MPPED2: variants seen among roughly 807,000 people sequenced by gnomAD.
The protein encoded by MPPED2 is metallophosphoesterase domain containing 2, also known as metallophosphoesterase MPPED2.
MPPED2 carries 5 observed loss-of-function variants against 33.0 expected under a neutral mutation model. The observed-to-expected ratio is 0.15, with a 90% CI of 0.08 to 0.32. The LOEUF is 0.32. Among genes scored for constraint, MPPED2 ranks in the 10% least tolerant of loss-of-function variants. The pLI, the probability that MPPED2 is intolerant of heterozygous loss-of-function variation, is 1.00. For missense variants in MPPED2, 275 were observed against 372.1 expected (o/e 0.74, Z 2.15); for synonymous variants, 136 against 141.9 (o/e 0.96, Z 0.29).
chr11:30,562,870 T>C (rs1956293330), intron 2 of MPPED2, among the ~76,000 whole-genome samples: 4 of 152,198 alleles, frequency 2.6e-5, no homozygotes, highest in Admixed American at 2.6e-4. Context: ...TATTAAATAT[T>C]ATTTATTTCA....
At chr11:30,554,667 G>T (rs1161144823) in intron 2 of MPPED2, among the ~76,000 whole-genome samples, 4 of 151,974 alleles carry the variant, frequency 2.6e-5, no homozygotes, top group African/African-American at 9.7e-5. Context: ...GCTAATTTTT[G>T]CATTTTTAGT....
intron 3 of MPPED2, among the ~76,000 whole-genome samples, chr11:30,529,974 C>A (rs977923867): frequency 6.6e-6 from 1 of 152,036 alleles, no homozygotes; most frequent in Non-Finnish European, 1.5e-5. Context: ...CAATCCAGAC[C>A]AAAGAAAGGC....
intron 2 of MPPED2, among the ~76,000 whole-genome samples, chr11:30,546,030 G>A (rs1302751994): frequency 1.3e-5 from 2 of 152,234 alleles, no homozygotes; most frequent in African/African-American, 4.8e-5. Context: ...ATGTTGGCCA[G>A]GCTGGTCTCG....
chr11:30,539,096 C>T (rs1954964399), intron 2 of MPPED2, among the ~76,000 whole-genome samples: 1 of 152,080 alleles, frequency 6.6e-6, no homozygotes, highest in South Asian at 2.1e-4. Flanking sequence ...CTGAGACCAC[C>T]CTCAGGAAAC....
intron 3 of MPPED2, among the ~76,000 whole-genome samples, chr11:30,528,766 C>A (rs936376194): frequency 6.6e-6 from 1 of 152,112 alleles, no homozygotes; most frequent in African/African-American, 2.4e-5. Flanking sequence ...CTATCGTCAT[C>A]TTTTAAAACC....
Position 30,495,423 on chromosome 11 carries a change from G to A in MPPED2, c.409C>T (p.Arg137Cys). 2 of 1,613,894 alleles carry A rather than the reference G, an allele frequency of 1.2e-6. No homozygotes were observed. The highest frequency in any genetic ancestry group is 2.2e-5 in the East Asian group (1 of 44,870). The change falls in exon 4 of 7, where the codon CGT (arginine) becomes TGT (cysteine). Residue 137 changes from arginine (R) to cysteine (C), a missense_variant. Coordinates refer to ENST00000358117, the MANE Select transcript of MPPED2 (RefSeq NM_001584.3). ...TTCAATTTGGACACAGAGGGGAAAC[G>A]GTAGTAGTCCTGTTTAACAAGGTCT... The part of the protein sequence containing the change: ...MADLVKQDYY[R>C]FPSVSKLKPE...
intron 4 of MPPED2, among the ~76,000 whole-genome samples, chr11:30,423,114 TG>T (rs1171841915): frequency 1.3e-5 from 2 of 152,026 alleles, no homozygotes; most frequent in Non-Finnish European, 2.9e-5. Context: ...CACAGTACGG[TG>T]GTGCAGGCAG....
chr11:30,440,324 C>T (rs517098), intron 4 of MPPED2, among the ~76,000 whole-genome samples: 18,072 of 143,994 alleles, frequency 0.13, 1,435 homozygotes, highest in South Asian at 0.26. Context: ...CGTGAGACTC[C>T]GTCTCCAAAA....
intron 4 of MPPED2, among the ~76,000 whole-genome samples, chr11:30,450,699 C>T (rs16920693): frequency 1.3e-5 from 2 of 152,184 alleles, no homozygotes; most frequent in African/African-American, 4.8e-5. Context: ...CTGTTCAGCA[C>T]CCAAGTTTTA....
chr11:30,564,125 G>GT (rs1231612639), intron 2 of MPPED2, among the ~76,000 whole-genome samples: 17 of 152,252 alleles, frequency 1.1e-4, no homozygotes, highest in African/African-American at 4.1e-4. Context: ...GTTTATCTCT[G>GT]TGAGTCACCT....
intron 3 of MPPED2, among the ~76,000 whole-genome samples, chr11:30,526,268 G>T (rs947284199): frequency 6.6e-5 from 10 of 151,908 alleles, no homozygotes; most frequent in Admixed American, 5.3e-4. Context: ...GCAACTCATA[G>T]ACACCTACTG....
chr11:30,423,116 G>T (rs1455666988), intron 4 of MPPED2, among the ~76,000 whole-genome samples: 2 of 152,196 alleles, frequency 1.3e-5, no homozygotes, highest in Non-Finnish European at 2.9e-5. Flanking sequence ...CAGTACGGTG[G>T]TGCAGGCAGA....
rs67290556 is a variant in MPPED2, at chr11:30,403,260, AG to A, written c.766+10967del. Among the ~76,000 whole-genome samples, 533 of 151,108 alleles carry A rather than the reference AG, an allele frequency of 3.5e-3. 12 individuals carry two copies. Among genetic ancestry groups the A allele is most frequent in the African/African-American group, 0.012 (498 of 41,220 alleles). On this transcript the variant is annotated intron_variant, in intron 6 of 6. Transcript: ENST00000448418. The stretch of plus-strand genomic sequence containing the variant: ...AGACTCCGTCTCAAAAAAAAAAAAA[AG>A]AAAAGAAAACAATGTAGGAAGTTGT...
At chr11:30,526,876 A>G (rs987027228) in intron 3 of MPPED2, among the ~76,000 whole-genome samples, 1 of 151,872 alleles carries the variant, frequency 6.6e-6, no homozygotes, top group Non-Finnish European at 1.5e-5. Context: ...CCAGGTATCA[A>G]TCTCTATTTT....
At chr11:30,464,268 AACACACAC>A (rs10660237) in intron 4 of MPPED2, among the ~76,000 whole-genome samples, 8 of 145,916 alleles carry the variant, frequency 5.5e-5, no homozygotes, top group East Asian at 2.1e-4. Flanking sequence ...AAAGGATACT[AACACACAC>A]ACACACACAC....
intron 3 of MPPED2, 109 bp downstream of exon 3, chr11:30,535,885 G>A (rs1176661381): frequency 1.0e-5 from 9 of 870,354 alleles, no homozygotes; most frequent in African/African-American, 6.9e-5. Context: ...CATATCATAC[G>A]AGAAATGGCT....
chr11:30,539,237 A>G (rs1954972366), intron 2 of MPPED2, among the ~76,000 whole-genome samples: 1 of 152,180 alleles, frequency 6.6e-6, no homozygotes, highest in East Asian at 1.9e-4. Flanking sequence ...TATTGTGTGA[A>G]GGCCCTCACA....
At chr11:30,428,079 G>T (rs140286267) in intron 4 of MPPED2, among the ~76,000 whole-genome samples, 1 of 152,174 alleles carries the variant, frequency 6.6e-6, no homozygotes, top group East Asian at 1.9e-4. Context: ...CTGACATACG[G>T]CCTGCCTTCT....
At chr11:30,564,027 G>A (rs1956340144) in intron 2 of MPPED2, among the ~76,000 whole-genome samples, 1 of 152,162 alleles carries the variant, frequency 6.6e-6, no homozygotes, top group Non-Finnish European at 1.5e-5. Flanking sequence ...CTGGGAAAAG[G>A]AAATTGACAA....
Sources: allele counts gnomAD v4.1 joint callset (sites outside exome capture counted in the v4.1 genomes callset), GRCh38; gene constraint gnomAD v4.1.1; transcripts MANE v1.5; gene names NCBI Gene and HGNC (gene_info 2026-07-23, HGNC 2026-07-21).